TBCD: variants seen among roughly 807,000 people sequenced by gnomAD.
TBCD encodes the protein tubulin-specific chaperone D.
Under a neutral mutation model 169.3 loss-of-function variants are expected in TBCD, and 105 were observed. The ratio of observed to expected loss-of-function variants is 0.62; its 90% CI spans 0.53 to 0.73. The LOEUF is 0.73. TBCD is among the 30% of genes least tolerant of loss of function. The probability of loss-of-function intolerance (pLI) is 0.00; values close to 1 mark genes in which losing one functional copy is unlikely to be tolerated. For missense variants in TBCD, 1,444 were observed against 1,600.1 expected (o/e 0.90, Z 1.66); for synonymous variants, 700 against 643.9 (o/e 1.09, Z -1.32).
rs950880123 is a variant in TBCD at position 82,890,263 on chromosome 17, G to C, written c.1563+566G>C. 6.6e-6 allele frequency among the ~76,000 whole-genome samples: 1 copy of C among 152,334 alleles called. No individual in the cohort carries two copies. The highest frequency in any genetic ancestry group is 3.4e-3 in the Middle Eastern group (1 of 294). The stretch of plus-strand genomic sequence containing the variant: ...TGTGTGATGACGTCACATCTTGGGC[G>C]TGTGGTTGGGTCTTGCAGGAGAGTG... On this transcript the variant is annotated intron_variant, in intron 16 of 38. Transcript: ENST00000355528. The surrounding 1 kb of genome is among the most constrained non-coding windows in gnomAD (Gnocchi z 5.3).
intron 34 of TBCD, among the ~76,000 whole-genome samples, chr17:82,934,672 A>T (rs2062470159): frequency 6.6e-6 from 1 of 151,596 alleles, no homozygotes; most frequent in South Asian, 2.1e-4. Context: ...GGGTTTCACC[A>T]TGTTGGTCAG....
intron 13 of TBCD, among the ~76,000 whole-genome samples, chr17:82,867,649 C>T (rs967046157): frequency 1.2e-4 from 18 of 152,308 alleles, no homozygotes; most frequent in African/African-American, 4.1e-4. Flanking sequence ...TAGTTCGGAT[C>T]GAGGTAATCA....
intron 34 of TBCD, among the ~76,000 whole-genome samples, chr17:82,933,832 C>T (rs1208936855): frequency 2.0e-5 from 3 of 151,736 alleles, no homozygotes; most frequent in East Asian, 3.9e-4. Flanking sequence ...AGGCTGGTCT[C>T]GAACTCCTGA....
At chr17:82,859,886 G>A (rs566319276) in intron 13 of TBCD, 1 of 985,290 alleles carries the variant, frequency 1.0e-6, no homozygotes, top group East Asian at 1.1e-4. Context: ...GTTGGAGACA[G>A]GGAGCAGGCT....
rs1451337653 is a variant in TBCD, at chr17:82,832,704, C to T, written c.1318+17770C>T. Reference sequence around the variant, plus strand: ...GGTCGGCGAGAAGCCGGCCTCGGCTCGCCACAGTGCCACAGGATCCCTGAA... The same window carrying T: ...GGTCGGCGAGAAGCCGGCCTCGGCTTGCCACAGTGCCACAGGATCCCTGAA... On this transcript the variant is annotated intron_variant, in intron 13 of 38. Transcript: ENST00000355528. This position sits in a 1 kb window ranked among gnomAD's most constrained non-coding sequence, Gnocchi z 4.9. 10 of 546,684 alleles carry T rather than the reference C, an allele frequency of 1.8e-5. No homozygotes were observed. The East Asian group carries it at 2.2e-4, about 12-fold the overall frequency. The allele number at this position is 546,684 out of a possible 1,614,324, so 33.9% of individuals were successfully genotyped here.
intron 2 of TBCD, among the ~76,000 whole-genome samples, chr17:82,759,619 A>G (rs1457665934): frequency 4.6e-5 from 7 of 152,030 alleles, no homozygotes; most frequent in Non-Finnish European, 8.8e-5. Context: ...CACTGCACCC[A>G]GTCTCTACTG....
rs78247023 is a variant in TBCD, at chr17:82,814,813, T to C, written c.1224-27T>C. 4.2e-3 allele frequency: 6,695 copies of C among 1,611,978 alleles called. 273 individuals are homozygous for C. The African/African-American group carries it at 0.078, about 19-fold the overall frequency. On this transcript the variant is annotated intron_variant, in intron 12 of 38. Transcript: ENST00000355528. The stretch of plus-strand genomic sequence containing the variant: ...GAACCAAAAGCTGACACGTGGGCTG[T>C]GGTCTCAGGATCTTTGTTGCTCTCA...
chr17:82,753,195 G>C (rs148908999), intron 1 of TBCD, among the ~76,000 whole-genome samples: 127 of 152,252 alleles, frequency 8.3e-4, no homozygotes, highest in African/African-American at 2.9e-3. Context: ...GAATGACAGC[G>C]CTTTGATTTT....
rs758913921 is a variant in TBCD, at chr17:82,831,094, G to C, written c.1318+16160G>C. The C allele has an allele frequency of 1.9e-6, 3 of 1,614,202 alleles. No homozygotes were observed. The highest frequency in any genetic ancestry group is 2.5e-6 in the Non-Finnish European group (3 of 1,180,038). On this transcript the variant is annotated intron_variant, in intron 13 of 38. Transcript: ENST00000355528. The surrounding 1 kb of genome is among the most constrained non-coding windows in gnomAD (Gnocchi z 4.6). ...TGTGCTTTTCTTAACAGGCCTGAAG[G>C]CTGTGAGGCTTTGCTCTGGCGGGTA...
intron 21 of TBCD, 35 bp downstream of exon 21, chr17:82,907,856 G>A (rs764799216): frequency 3.1e-6 from 5 of 1,604,682 alleles, no homozygotes; most frequent in East Asian, 2.2e-5. Flanking sequence ...CCCTCAGGAG[G>A]CATCACAGGA....
chr17:82,914,949 T>A (rs75295565), intron 23 of TBCD, among the ~76,000 whole-genome samples: 15,237 of 152,298 alleles, frequency 0.1, 1,054 homozygotes, highest in South Asian at 0.29. Flanking sequence ...CCCACATTTT[T>A]ATTTTTCCAA....
At chr17:82,759,492 A>G (rs1357082364) in intron 2 of TBCD, among the ~76,000 whole-genome samples, 1 of 152,148 alleles carries the variant, frequency 6.6e-6, no homozygotes, top group Non-Finnish European at 1.5e-5. Context: ...TCAAAAAAAA[A>G]AAAATTTTGT....
At chr17:82,914,079 TC>T (rs1454413129) in intron 23 of TBCD, 2 of 152,386 alleles carry the variant, frequency 1.3e-5, no homozygotes, top group African/African-American at 2.4e-5. Context: ...TGTCCCTTCC[TC>T]ACCCACCACA....
intron 14 of TBCD, among the ~76,000 whole-genome samples, chr17:82,882,569 A>T (rs979377842): frequency 2.6e-5 from 4 of 152,200 alleles, no homozygotes; most frequent in Non-Finnish European, 1.5e-5. Flanking sequence ...GAACATGAGG[A>T]TACGTGAGCC....
intron 2 of TBCD, among the ~76,000 whole-genome samples, chr17:82,761,997 G>A (rs1005757943): frequency 4.0e-5 from 6 of 151,384 alleles, no homozygotes; most frequent in African/African-American, 1.5e-4. Flanking sequence ...AAAGTGCTGG[G>A]GTTGTTTCTT....
At chr17:82,885,476 C>T (rs575625445) in intron 15 of TBCD, among the ~76,000 whole-genome samples, 245 of 152,292 alleles carry the variant, frequency 1.6e-3, no homozygotes, top group Non-Finnish European at 3.0e-3. Context: ...ACCAGGAGAG[C>T]TCAGAAGCTC....
chr17:82,764,158 G>T, intron 3 of TBCD, 96 bp downstream of exon 3: 2 of 967,336 alleles, frequency 2.1e-6, no homozygotes, highest in Non-Finnish European at 1.6e-6. Context: ...AAGAAAGATA[G>T]TTCTTAGACA....
chr17:82,930,384 C>T lies in TBCD; in HGVS notation c.2992-138C>T, dbSNP rs574644978. ...GCTCCGTGCTGGCGTCCGCACCAGC[C>T]GCTTGGGGCCAGACCTTCGCGTCTC... On this transcript the variant is annotated intron_variant, in intron 32 of 38. Coordinates refer to ENST00000355528, the MANE Select transcript of TBCD (RefSeq NM_005993.5). This position sits in a 1 kb window ranked among gnomAD's most constrained non-coding sequence, Gnocchi z 5.2. 1.4e-3 allele frequency: 1,799 copies of T among 1,317,986 alleles called. 3 individuals are homozygous for T. The highest frequency in any genetic ancestry group is 3.5e-3 in the Middle Eastern group (13 of 3,674). 81.6% of individuals were successfully genotyped at this position (1,317,986 alleles called of 1,614,324 possible).
intron 16 of TBCD, chr17:82,892,955 G>A (rs1025857497): frequency 6.6e-6 from 1 of 152,252 alleles, no homozygotes; most frequent in African/African-American, 2.4e-5. Context: ...GAGCCTCGGC[G>A]GCTGCTGGTC....
Sources: gnomAD v4.1 joint callset for allele counts (sites outside exome capture counted in the v4.1 genomes callset) on GRCh38, gnomAD v4.1.1 for gene constraint, Gnocchi (gnomAD v3.1) non-coding constraint, MANE v1.5 for transcripts, NCBI Gene and HGNC (gene_info 2026-07-23, HGNC 2026-07-21) for gene names.